SH3TC2: variants seen among roughly 807,000 people sequenced by gnomAD.
The protein encoded by SH3TC2 is SH3 domain and tetratricopeptide repeats 2, also known as SH3 domain and tetratricopeptide repeat-containing protein 2.
A neutral mutation model predicts 124.5 loss-of-function variants in SH3TC2; 87 were observed. The ratio of observed to expected loss-of-function variants is 0.70; its 90% CI spans 0.59 to 0.84. The LOEUF (loss-of-function observed/expected upper bound fraction) is 0.84. Ranked by LOEUF, SH3TC2 falls within the 40% of genes least tolerant of loss-of-function variation. The pLI is 0.00. For synonymous variants in SH3TC2, 634 were observed against 628.5 expected, an observed-to-expected ratio of 1.01 and a Z score of -0.13; for missense variants, 1,536 against 1,566.4, an observed-to-expected ratio of 0.98 and a Z score of 0.33.
intron 15 of SH3TC2, chr5:149,008,503 C>T (rs557203519): frequency 1.1e-5 from 4 of 363,804 alleles, no homozygotes; most frequent in African/African-American, 8.2e-5. Flanking sequence ...ATTTACTTTA[C>T]ACTTGGGGAA....
At chr5:149,032,043 A>G (rs1754203602) in intron 8 of SH3TC2, among the ~76,000 whole-genome samples, 1 of 152,216 alleles carries the variant, frequency 6.6e-6, no homozygotes, top group African/African-American at 2.4e-5. Context: ...TGGAAGAAAG[A>G]GGAATCAATT....
At chr5:149,019,861 C>G (rs1392014873) in intron 12 of SH3TC2, among the ~76,000 whole-genome samples, 14 of 152,130 alleles carry the variant, frequency 9.2e-5, no homozygotes, top group Admixed American at 1.3e-4. Flanking sequence ...AACCTAGCAA[C>G]CACTGAAGGA....
At chr5:149,016,271 T>C (rs994069451) in intron 12 of SH3TC2, among the ~76,000 whole-genome samples, 7 of 152,312 alleles carry the variant, frequency 4.6e-5, no homozygotes, top group African/African-American at 1.7e-4. Flanking sequence ...AGGATCTAAC[T>C]TTCAGAGTCT....
At chr5:149,015,949 TAAAG>T (rs894797434) in intron 12 of SH3TC2, among the ~76,000 whole-genome samples, 1 of 152,216 alleles carries the variant, frequency 6.6e-6, no homozygotes, top group Middle Eastern at 3.2e-3. Flanking sequence ...ATTTTGCAAA[TAAAG>T]AAATCCAGTA....
At chr5:149,005,933 T>G (rs554383116) in intron 16 of SH3TC2, among the ~76,000 whole-genome samples, 7 of 152,232 alleles carry the variant, frequency 4.6e-5, no homozygotes, top group African/African-American at 1.7e-4. Context: ...AACAGAGATT[T>G]GCAACCAACA....
intron 1 of SH3TC2, among the ~76,000 whole-genome samples, chr5:149,058,973 G>A (rs1438894740): frequency 6.6e-6 from 1 of 152,172 alleles, no homozygotes. Flanking sequence ...CCAGGGAGGT[G>A]AGTGTAAGAA....
chr5:148,982,714 A>G lies in SH3TC2; in HGVS notation c.*21997T>C, dbSNP rs1451167292. Among the ~76,000 whole-genome samples, 3 of 152,208 alleles carry G rather than the reference A, an allele frequency of 2.0e-5. No homozygotes were observed. Among genetic ancestry groups the G allele is most frequent in the Non-Finnish European group, 4.4e-5 (3 of 68,038 alleles). On this transcript the variant is annotated 3_prime_UTR_variant, in exon 17 of 17. Coordinates refer to ENST00000515425, the MANE Select transcript of SH3TC2 (RefSeq NM_024577.4). The stretch of plus-strand genomic sequence containing the variant: ...CACTGAATTGTTTTTATACACACAA[A>G]ATATCCCTGGAAGAATACACAAGAA...
At chr5:149,015,881 G>A (rs1753864324) in intron 12 of SH3TC2, among the ~76,000 whole-genome samples, 1 of 152,114 alleles carries the variant, frequency 6.6e-6, no homozygotes, top group South Asian at 2.1e-4. Flanking sequence ...TGTACTTTCA[G>A]TATACATTTT....
Position 149,000,570 on chromosome 5 carries a change from A to C in SH3TC2, c.*4141T>G, listed in dbSNP as rs969303355. ...CTTATAAAAATAAGTTAATATGAGTAAAAGAAGTAAATCAATTTAGAAAAT... is the reference window on the plus strand; with the variant it reads ...CTTATAAAAATAAGTTAATATGAGTCAAAGAAGTAAATCAATTTAGAAAAT... On this transcript the variant is annotated 3_prime_UTR_variant, in exon 17 of 17. Coordinates refer to ENST00000515425, the MANE Select transcript of SH3TC2 (RefSeq NM_024577.4). Among the ~76,000 whole-genome samples, 7 of 152,262 alleles carry C rather than the reference A, an allele frequency of 4.6e-5. No homozygotes were observed. Among genetic ancestry groups the C allele is most frequent in the Non-Finnish European group, 8.8e-5 (6 of 68,054 alleles).
chr5:149,036,112 A>G (rs1364758435), intron 8 of SH3TC2: 1 of 152,242 alleles, frequency 6.6e-6, no homozygotes, highest in Non-Finnish European at 1.5e-5. Context: ...AAGTGCTAAC[A>G]TTCTACACAT....
intron 12 of SH3TC2, among the ~76,000 whole-genome samples, chr5:149,014,009 C>T (rs1753828247): frequency 6.6e-6 from 1 of 152,162 alleles, no homozygotes; most frequent in African/African-American, 2.4e-5. Context: ...CTAGTCCAAT[C>T]TTCTTATTTT....
chr5:149,005,688 A>G (rs1753675888), intron 16 of SH3TC2, among the ~76,000 whole-genome samples: 1 of 152,176 alleles, frequency 6.6e-6, no homozygotes, highest in African/African-American at 2.4e-5. Context: ...GTGAGACTCA[A>G]AAAGGCTGCC....
rs986086225 is a variant in SH3TC2 at position 149,003,264 on chromosome 5, A to AG, written c.*1446dup. The AG allele has an allele frequency of 3.3e-5, 5 of 152,350 alleles. No individual in the cohort carries two copies. The highest frequency in any genetic ancestry group is 7.3e-5 in the Non-Finnish European group (5 of 68,150). The allele number at this position is 152,350 out of a possible 1,614,324, so 9.4% of individuals were successfully genotyped here. ...ATTATGAATTGAATAGGCAAGACTAAGGAGATGTCACTTCTGTGATCAGGT... is the reference window on the plus strand; with the variant it reads ...ATTATGAATTGAATAGGCAAGACTAAGGGAGATGTCACTTCTGTGATCAGGT... On this transcript the variant is annotated 3_prime_UTR_variant, in exon 17 of 17. Coordinates refer to ENST00000515425, the MANE Select transcript of SH3TC2 (RefSeq NM_024577.4).
chr5:149,003,870 A>AAGACATGTATTGGTAT lies in SH3TC2; in HGVS notation c.*825_*840dup, dbSNP rs1753637440. 2 of 378,700 alleles carry AAGACATGTATTGGTAT rather than the reference A, an allele frequency of 5.3e-6. No homozygotes were observed. Among genetic ancestry groups the AAGACATGTATTGGTAT allele is most frequent in the African/African-American group, 2.2e-5 (1 of 46,200 alleles). 23.5% of individuals were successfully genotyped at this position (378,700 alleles called of 1,614,324 possible). On this transcript the variant is annotated 3_prime_UTR_variant, in exon 17 of 17. Coordinates refer to ENST00000515425, the MANE Select transcript of SH3TC2 (RefSeq NM_024577.4). ...GTCTCAAAAAAAAAAAAAAAAAAAAAAGACATGTATTGGTATTCTCTCCCA... is the reference window on the plus strand; with the variant it reads ...GTCTCAAAAAAAAAAAAAAAAAAAAAAGACATGTATTGGTATAGACATGTATTGGTATTCTCTCCCA...
intron 14 of SH3TC2, among the ~76,000 whole-genome samples, chr5:149,009,467 C>T (rs1753747457): frequency 6.6e-6 from 1 of 152,174 alleles, no homozygotes. Context: ...TTCTCATCTA[C>T]AAAATGCATA....
intron 3 of SH3TC2, chr5:149,045,708 G>C (rs1003950644): frequency 6.0e-6 from 1 of 167,010 alleles, no homozygotes; most frequent in Non-Finnish European, 1.3e-5. Context: ...GTGCAGTGGC[G>C]CAATCTCGGC....
intron 3 of SH3TC2, chr5:149,045,483 C>A (rs1754442862): frequency 1.3e-5 from 2 of 152,214 alleles, no homozygotes; most frequent in Admixed American, 6.5e-5. Context: ...ATTGTTTTAA[C>A]ACATGTATTT....
rs1256505807 is a variant in SH3TC2 at position 148,989,970 on chromosome 5, G to A, written c.*14741C>T. 6.6e-6 allele frequency among the ~76,000 whole-genome samples: 1 copy of A among 152,178 alleles called. No individual in the cohort carries two copies. The highest frequency in any genetic ancestry group is 2.4e-5 in the African/African-American group (1 of 41,426). On this transcript the variant is annotated 3_prime_UTR_variant, in exon 17 of 17. Coordinates refer to ENST00000515425, the MANE Select transcript of SH3TC2 (RefSeq NM_024577.4). ...AGTGTGTGCATGTTTGTGTGTATGTGTGTGTGTTTGATGGGGTGGGGGCTG... is the reference window on the plus strand; with the variant it reads ...AGTGTGTGCATGTTTGTGTGTATGTATGTGTGTTTGATGGGGTGGGGGCTG...
intron 1 of SH3TC2, among the ~76,000 whole-genome samples, chr5:149,059,677 CA>C (rs926825659): frequency 6.6e-6 from 1 of 150,394 alleles, no homozygotes; most frequent in Admixed American, 6.6e-5. Context: ...ATCATGATAT[CA>C]TTTTGTTTAA....
Sources: allele counts gnomAD v4.1 joint callset (sites outside exome capture counted in the v4.1 genomes callset), GRCh38; gene constraint gnomAD v4.1.1; transcripts MANE v1.5; gene names NCBI Gene and HGNC (gene_info 2026-07-23, HGNC 2026-07-21).